The following CSMD1 variants were observed in gnomAD, a reference collection of about 807,000 sequenced individuals.
CSMD1 encodes the protein CUB and Sushi multiple domains 1.
Under a neutral mutation model 417.5 loss-of-function variants are expected in CSMD1, and 213 were observed. The ratio of observed to expected loss-of-function variants is 0.51; its 90% CI spans 0.46 to 0.57. The LOEUF (loss-of-function observed/expected upper bound fraction) is 0.57. CSMD1 is among the 20% of genes least tolerant of loss of function. The pLI, the probability that CSMD1 is intolerant of heterozygous loss-of-function variation, is 0.00. For synonymous variants in CSMD1, 2,862 were observed against 1,736.8 expected (o/e 1.65, Z -16.11); for missense variants, 6,923 against 4,529.7 (o/e 1.53, Z -15.17).
chr8:3,410,106 C>T (rs1474880804), intron 12 of CSMD1, among the ~76,000 whole-genome samples: 1 of 152,134 alleles, frequency 6.6e-6, no homozygotes, highest in African/African-American at 2.4e-5. Flanking sequence ...GTTTGGTCTA[C>T]AGAGGAAAAC....
chr8:4,831,873 G>T (rs1288162006), intron 1 of CSMD1, among the ~76,000 whole-genome samples: 1 of 152,008 alleles, frequency 6.6e-6, no homozygotes, highest in Non-Finnish European at 1.5e-5. Context: ...AAGGTGCAAG[G>T]ATGAGGATGA....
At chr8:3,564,673 T>C (rs934065759) in intron 10 of CSMD1, among the ~76,000 whole-genome samples, 2 of 151,880 alleles carry the variant, frequency 1.3e-5, no homozygotes, top group African/African-American at 2.4e-5. Flanking sequence ...TGAGGTGTTA[T>C]AAGAAAATCA....
intron 1 of CSMD1, among the ~76,000 whole-genome samples, chr8:4,969,993 C>A (rs899739539): frequency 7.4e-5 from 11 of 149,318 alleles, no homozygotes; most frequent in Non-Finnish European, 1.2e-4. Context: ...CTTCCATGGT[C>A]CGTATATTAA....
intron 26 of CSMD1, among the ~76,000 whole-genome samples, chr8:3,276,587 G>A (rs1802310349): frequency 6.6e-6 from 1 of 152,152 alleles, no homozygotes; most frequent in Admixed American, 6.5e-5. Flanking sequence ...TCCCTCCCAT[G>A]ATACGTGGGA....
intron 10 of CSMD1, among the ~76,000 whole-genome samples, chr8:3,534,960 T>A (rs1463447384): frequency 6.6e-6 from 1 of 152,160 alleles, no homozygotes; most frequent in Non-Finnish European, 1.5e-5. Flanking sequence ...CTTATTTATT[T>A]ATTTATTGAC....
intron 1 of CSMD1, among the ~76,000 whole-genome samples, chr8:4,939,056 G>A (rs1457619863): frequency 6.6e-6 from 1 of 152,132 alleles, no homozygotes; most frequent in African/African-American, 2.4e-5. Context: ...TGCATCAGAT[G>A]CACAGTTTGC....
chr8:4,681,039 T>C (rs2130977231), intron 1 of CSMD1, among the ~76,000 whole-genome samples: 1 of 152,142 alleles, frequency 6.6e-6, no homozygotes, highest in South Asian at 2.1e-4. Flanking sequence ...AACCTCCTTG[T>C]TTTTTAAATT....
At chr8:4,015,975 A>G (rs1405434583) in intron 4 of CSMD1, among the ~76,000 whole-genome samples, 1 of 152,198 alleles carries the variant, frequency 6.6e-6, no homozygotes. Context: ...AGGGAAATGT[A>G]GAAAAGCACC....
chr8:4,116,590 G>C (rs1282770772), intron 3 of CSMD1, among the ~76,000 whole-genome samples: 1 of 121,220 alleles, frequency 8.2e-6, no homozygotes, highest in African/African-American at 3.2e-5. Context: ...ATCCGACAGT[G>C]ATGTATGAGT....
chr8:3,828,625 C>T (rs1185101951), intron 5 of CSMD1, among the ~76,000 whole-genome samples: 2 of 152,068 alleles, frequency 1.3e-5, no homozygotes. Flanking sequence ...TGTCCCAATC[C>T]CAGTCATCGT....
At chr8:4,740,547 A>G (rs1013747665) in intron 1 of CSMD1, among the ~76,000 whole-genome samples, 31 of 152,174 alleles carry the variant, frequency 2.0e-4, no homozygotes, top group African/African-American at 7.2e-4. Flanking sequence ...ACTCATGTGA[A>G]AAAGGTATTT....
intron 16 of CSMD1, among the ~76,000 whole-genome samples, chr8:3,399,008 G>A (rs772148182): frequency 6.6e-6 from 1 of 152,146 alleles, no homozygotes; most frequent in Non-Finnish European, 1.5e-5. Context: ...CACCAGAACA[G>A]GAGAGCTGAT....
At chr8:4,537,556 CAAGTTGAA>C (rs1797160936) in intron 2 of CSMD1, among the ~76,000 whole-genome samples, 1 of 152,156 alleles carries the variant, frequency 6.6e-6, no homozygotes, top group Non-Finnish European at 1.5e-5. Context: ...GATTAGTTTT[CAAGTTGAA>C]AACTTGCTGA....
chr8:2,979,468 G>C (rs528826978), intron 54 of CSMD1, among the ~76,000 whole-genome samples: 1 of 152,334 alleles, frequency 6.6e-6, no homozygotes, highest in East Asian at 1.9e-4. Context: ...GGGAATTAGC[G>C]ATGTGCTTTT....
rs570976881 is a variant in CSMD1, at chr8:3,565,593, T to G, written c.1344+9352A>C. On this transcript the variant is annotated intron_variant, in intron 10 of 69. Coordinates refer to ENST00000635120, the MANE Select transcript of CSMD1 (RefSeq NM_033225.6). ...AGTGAATGCCTCTTCTTCATCTCTCTGAATTTGTTAATTCAAGTTCTTTAA... is the reference window on the plus strand; with the variant it reads ...AGTGAATGCCTCTTCTTCATCTCTCGGAATTTGTTAATTCAAGTTCTTTAA... Among the ~76,000 whole-genome samples the G allele has an allele frequency of 3.3e-5, 5 of 152,356 alleles. No homozygotes were observed. In the East Asian group the frequency reaches 9.6e-4, roughly 29 times the overall value.
At chr8:3,053,011 A>G (rs1275401948) in intron 49 of CSMD1, among the ~76,000 whole-genome samples, 1 of 152,052 alleles carries the variant, frequency 6.6e-6, no homozygotes, top group Non-Finnish European at 1.5e-5. Flanking sequence ...CCAACTCCCA[A>G]ACTCAGGTGA....
chr8:4,958,582 A>T (rs75792893), intron 1 of CSMD1, among the ~76,000 whole-genome samples: 63 of 152,334 alleles, frequency 4.1e-4, no homozygotes, highest in African/African-American at 1.4e-3. Flanking sequence ...CAGCTTCTTA[A>T]GCAAGGCAGT....
chr8:3,789,152 G>C (rs550949715), intron 5 of CSMD1, among the ~76,000 whole-genome samples: 1 of 152,226 alleles, frequency 6.6e-6, no homozygotes, highest in East Asian at 1.9e-4. Flanking sequence ...CAATGCCCCA[G>C]AGAGCTTCCT....
intron 23 of CSMD1, 146 bp from the exon 24 acceptor site, chr8:3,308,649 G>C (rs959491511): frequency 1.1e-5 from 7 of 621,098 alleles, no homozygotes; most frequent in East Asian, 5.8e-5. Flanking sequence ...GGAAAAGAAA[G>C]ATGGGTCTGT....
Sources: gnomAD v4.1 joint callset for allele counts (sites outside exome capture counted in the v4.1 genomes callset) on GRCh38, gnomAD v4.1.1 for gene constraint, MANE v1.5 for transcripts, NCBI Gene and HGNC (gene_info 2026-07-23, HGNC 2026-07-21) for gene names.